Variants in TLCD4 observed in about 807,000 individuals in gnomAD.
TLCD4 encodes the protein TLC domain containing 4.
TLCD4 carries 7 observed loss-of-function variants against 24.2 expected under a neutral mutation model. The ratio of observed to expected loss-of-function variants is 0.29; its 90% CI spans 0.16 to 0.54. The LOEUF is 0.54. Among genes scored for constraint, TLCD4 ranks in the 20% least tolerant of loss-of-function variants. The pLI, the probability that TLCD4 is intolerant of heterozygous loss-of-function variation, is 0.95. For synonymous variants in TLCD4, 103 were observed against 106.4 expected (o/e 0.97, Z 0.20); for missense variants, 259 against 313.9 (o/e 0.82, Z 1.32).
At chr1:95,171,611 G>A (rs938970805) in intron 5 of TLCD4, among the ~76,000 whole-genome samples, 15 of 152,140 alleles carry the variant, frequency 9.9e-5, no homozygotes, top group Admixed American at 2.0e-4. Flanking sequence ...GAGTGTCCCA[G>A]ACATCACTGA....
chr1:95,154,328 G>A (rs999018229), intron 5 of TLCD4, among the ~76,000 whole-genome samples: 3 of 152,168 alleles, frequency 2.0e-5, no homozygotes, highest in Non-Finnish European at 2.9e-5. Context: ...AAGAAGGCAC[G>A]TGGCCCAGTC....
the TLCD4 span, among the ~76,000 whole-genome samples, chr1:95,109,873 GTTTATCTGTTTGTAC>G: frequency 7.7e-6 from 1 of 130,374 alleles, no homozygotes; most frequent in Admixed American, 8.1e-5. Context: ...TAAGAGTATT[GTTTATCTGTTTGTAC>G]TACATACACA....
intron 1 of TLCD4, among the ~76,000 whole-genome samples, chr1:95,132,453 A>G (rs34007549): frequency 1.0e-5 from 1 of 99,110 alleles, no homozygotes; most frequent in African/African-American, 3.7e-5. Context: ...TGAGACTCCA[A>G]CTCAAAAAAA....
intron 6 of TLCD4, among the ~76,000 whole-genome samples, chr1:95,176,397 GC>G (rs1439225702): frequency 2.0e-5 from 3 of 149,722 alleles, no homozygotes; most frequent in Admixed American, 6.6e-5. Context: ...TGCCATGTTG[GC>G]CAGGCTGGTC....
the TLCD4 span, among the ~76,000 whole-genome samples, chr1:95,093,475 C>T: frequency 6.6e-6 from 1 of 152,112 alleles, no homozygotes; most frequent in Non-Finnish European, 1.5e-5. Flanking sequence ...CTGGATGTAT[C>T]AGAGTAGGCT....
At chr1:95,137,509 C>T (rs1267715420) in intron 1 of TLCD4, among the ~76,000 whole-genome samples, 1 of 152,028 alleles carries the variant, frequency 6.6e-6, no homozygotes, top group African/African-American at 2.4e-5. Context: ...TCTAAGGAAT[C>T]CCTGTATTTG....
intron 6 of TLCD4, among the ~76,000 whole-genome samples, chr1:95,181,084 G>A (rs527356687): frequency 5.9e-5 from 9 of 152,062 alleles, no homozygotes; most frequent in Non-Finnish European, 1.0e-4. Context: ...GTGATAGAGT[G>A]AGACTCTGTC....
At chr1:95,095,731 A>G in the TLCD4 span, among the ~76,000 whole-genome samples, 1 of 152,216 alleles carries the variant, frequency 6.6e-6, no homozygotes, top group South Asian at 2.1e-4. Flanking sequence ...CTGTAAAATG[A>G]GAATAATAAA....
At chr1:95,174,147 C>A in intron 6 of TLCD4, 1 of 482,534 alleles carries the variant, frequency 2.1e-6, no homozygotes. Flanking sequence ...ATGATGCCTG[C>A]TTCCAGCTCA....
intron 2 of TLCD4, among the ~76,000 whole-genome samples, chr1:95,147,506 A>G (rs1248535691): frequency 2.6e-5 from 4 of 152,252 alleles, no homozygotes; most frequent in Non-Finnish European, 5.9e-5. Context: ...TACTTGGTCA[A>G]TGCCTTTAAA....
chr1:95,186,812 T>C (rs1481538140), intron 6 of TLCD4, among the ~76,000 whole-genome samples: 1 of 152,216 alleles, frequency 6.6e-6, no homozygotes, highest in Non-Finnish European at 1.5e-5. Flanking sequence ...TCTTAGATAA[T>C]TTAGCCCTTT....
chr1:95,148,620 T>C (rs1677410966), intron 2 of TLCD4, 82 bp from the exon 3 acceptor site: 3 of 1,578,764 alleles, frequency 1.9e-6, no homozygotes, highest in Non-Finnish European at 2.6e-6. Flanking sequence ...GTATAACTTG[T>C]TCAGAATGTT....
At chr1:95,124,014 G>A (rs1227572780) in intron 1 of TLCD4, among the ~76,000 whole-genome samples, 1 of 152,190 alleles carries the variant, frequency 6.6e-6, no homozygotes, top group Non-Finnish European at 1.5e-5. Flanking sequence ...AGCGTTAGAT[G>A]TTATGGGGAT....
chr1:95,192,856 A>G lies in TLCD4; in HGVS notation c.*988A>G, dbSNP rs1027438438. On this transcript the variant is annotated 3_prime_UTR_variant, in exon 7 of 7. Coordinates refer to ENST00000370203, the MANE Select transcript of TLCD4 (RefSeq NM_152487.3). ...CAAATTATTGCTTTTTTATTTTATA[A>G]TAAGGCTTAAGACAGATTATAGACC... The G allele has an allele frequency of 2.6e-5, 4 of 152,136 alleles. No homozygotes were observed. The highest frequency in any genetic ancestry group is 9.7e-5 in the African/African-American group (4 of 41,432). 9.4% of individuals were successfully genotyped at this position (152,136 alleles called of 1,614,324 possible).
intron 1 of TLCD4, among the ~76,000 whole-genome samples, chr1:95,125,182 CTG>C (rs1676680916): frequency 6.6e-6 from 1 of 152,142 alleles, no homozygotes; most frequent in African/African-American, 2.4e-5. Flanking sequence ...ATTATCAAGT[CTG>C]TGGGCCAAGC....
intron 5 of TLCD4, among the ~76,000 whole-genome samples, chr1:95,153,565 A>G (rs1677549497): frequency 6.6e-6 from 1 of 152,186 alleles, no homozygotes; most frequent in Non-Finnish European, 1.5e-5. Flanking sequence ...AATTTATCAC[A>G]TCTGCTAAAA....
At position 95,128,753 on chromosome 1, in the gene TLCD4, A is replaced by ATG. The variant is rs539099247; in HGVS notation, c.-12+11147_-12+11148dup. 6.9e-4 allele frequency among the ~76,000 whole-genome samples: 105 copies of ATG among 152,232 alleles called. 1 individual carries two copies. The South Asian group carries it at 0.02, about 29-fold the overall frequency. On this transcript the variant is annotated intron_variant, in intron 1 of 6. Coordinates refer to ENST00000370203, the MANE Select transcript of TLCD4 (RefSeq NM_152487.3). The stretch of plus-strand genomic sequence containing the variant: ...GACTTTGTAGTCTAAGCAGAATTGT[A>ATG]TGTGTGTGTGTGGTGGGGGTGGCAG...
chr1:95,173,796 GT>G lies in TLCD4; in HGVS notation c.400-16del. 1 of 1,613,884 alleles carries G rather than the reference GT, an allele frequency of 6.2e-7. No homozygotes were observed. ...TTAAGAATGTTATCCTTGACGTTGT[GT>G]TTTATGTTTATCATTCAGAAAAATG... On this transcript the variant is annotated intron_variant, in intron 5 of 6. Coordinates refer to ENST00000370203, the MANE Select transcript of TLCD4 (RefSeq NM_152487.3).
At chr1:95,113,518 G>A (rs1169924622), upstream of TLCD4, among the ~76,000 whole-genome samples, 1 of 152,146 alleles carries the variant, frequency 6.6e-6, no homozygotes, top group Non-Finnish European at 1.5e-5. Context: ...TATCATTTAG[G>A]AGATGAAGAA....
Sources: allele counts gnomAD v4.1 joint callset (sites outside exome capture counted in the v4.1 genomes callset), GRCh38; gene constraint gnomAD v4.1.1; transcripts MANE v1.5; gene names NCBI Gene and HGNC (gene_info 2026-07-23, HGNC 2026-07-21).